The following NOL4 variants were observed in gnomAD, a reference collection of about 807,000 sequenced individuals.
The protein encoded by NOL4 is cancer/testis antigen 125.
Under a neutral mutation model 75.9 loss-of-function variants are expected in NOL4, and 17 were observed. The ratio of observed to expected loss-of-function variants is 0.22; its 90% CI spans 0.15 to 0.34. The LOEUF (loss-of-function observed/expected upper bound fraction) is 0.34, where lower values mean the gene tolerates loss of function less well. NOL4 is among the 10% of genes least tolerant of loss of function. The pLI is 1.00. For missense variants in NOL4, 614 were observed against 793.5 expected, an observed-to-expected ratio of 0.77 and a Z score of 2.72; for synonymous variants, 292 against 289.9, an observed-to-expected ratio of 1.01 and a Z score of -0.07.
chr18:34,193,037 A>G lies in NOL4; in HGVS notation c.264+29953T>C, dbSNP rs564278521. On this transcript the variant is annotated intron_variant, in intron 1 of 10. Transcript: ENST00000261592. ...AAGAAATAAATTTCTAGTCTTTATA[A>G]ACTACCCAGTCTTTGGTATTCTGTT... 5.3e-5 allele frequency among the ~76,000 whole-genome samples: 8 copies of G among 152,294 alleles called. No individual in the cohort carries two copies. The East Asian group carries it at 1.5e-3, about 29-fold the overall frequency.
intron 5 of NOL4, among the ~76,000 whole-genome samples, chr18:34,029,666 G>A (rs2075536412): frequency 6.6e-6 from 1 of 152,146 alleles, no homozygotes; most frequent in Non-Finnish European, 1.5e-5. Flanking sequence ...GCCATGCGAG[G>A]AAACCATGCC....
At chr18:33,875,927 A>C (rs568149593) in intron 10 of NOL4, among the ~76,000 whole-genome samples, 17 of 152,196 alleles carry the variant, frequency 1.1e-4, no homozygotes, top group African/African-American at 4.1e-4. Flanking sequence ...GAATAAAGAC[A>C]CATGCAGGGG....
intron 1 of NOL4, among the ~76,000 whole-genome samples, chr18:34,194,790 C>T (rs1376771415): frequency 1.3e-5 from 2 of 152,046 alleles, no homozygotes; most frequent in Non-Finnish European, 2.9e-5. Flanking sequence ...TTTGGGAGGC[C>T]GAGGTGGGTG....
chr18:34,004,595 T>G (rs1320434805), intron 6 of NOL4, among the ~76,000 whole-genome samples: 2 of 152,124 alleles, frequency 1.3e-5, no homozygotes, highest in Admixed American at 6.6e-5. Context: ...ATGTTGATGA[T>G]TATATAAATA....
intron 5 of NOL4, among the ~76,000 whole-genome samples, chr18:34,073,590 C>A (rs2145293357): frequency 6.6e-6 from 1 of 152,050 alleles, no homozygotes; most frequent in South Asian, 2.1e-4. Context: ...AGTACAGAGA[C>A]AACCATTTCT....
intron 10 of NOL4, among the ~76,000 whole-genome samples, chr18:33,870,818 T>G (rs1599690025): frequency 6.6e-6 from 1 of 152,198 alleles, no homozygotes; most frequent in Admixed American, 6.6e-5. Flanking sequence ...TACAAGCTAC[T>G]TTTAGATCCA....
chr18:33,883,478 T>C, intron 9 of NOL4, 54 bp from the exon 10 acceptor site: 1 of 1,433,884 alleles, frequency 7.0e-7, no homozygotes. Flanking sequence ...CTATTTCACC[T>C]TGAACAGGAC....
chr18:33,916,571 T>C (rs1378052860), intron 9 of NOL4, among the ~76,000 whole-genome samples: 3 of 152,090 alleles, frequency 2.0e-5, no homozygotes, highest in African/African-American at 7.2e-5. Context: ...AGAAAGCAAA[T>C]GGCAAAAATA....
chr18:33,973,873 C>T (rs933921483), intron 6 of NOL4, among the ~76,000 whole-genome samples: 8 of 151,408 alleles, frequency 5.3e-5, no homozygotes, highest in African/African-American at 1.9e-4. Flanking sequence ...GTAGATTTAG[C>T]AAATTCTTAA....
chr18:33,993,846 A>G (rs1352401405), intron 6 of NOL4, among the ~76,000 whole-genome samples: 1 of 151,992 alleles, frequency 6.6e-6, no homozygotes, highest in Middle Eastern at 3.4e-3. Flanking sequence ...TTAACAGTAG[A>G]TTTGACCTGA....
chr18:33,932,679 G>A (rs980572348), intron 9 of NOL4, among the ~76,000 whole-genome samples: 2 of 152,038 alleles, frequency 1.3e-5, no homozygotes, highest in Non-Finnish European at 2.9e-5. Flanking sequence ...AAAATCCTAT[G>A]TGATTGAGAA....
intron 5 of NOL4, among the ~76,000 whole-genome samples, chr18:34,058,420 C>T (rs1276568429): frequency 6.6e-6 from 1 of 152,170 alleles, no homozygotes; most frequent in Non-Finnish European, 1.5e-5. Context: ...AGGCATGAGC[C>T]ACTGCGCCCG....
intron 9 of NOL4, among the ~76,000 whole-genome samples, chr18:33,936,857 T>C (rs1320014766): frequency 6.6e-6 from 1 of 152,134 alleles, no homozygotes; most frequent in African/African-American, 2.4e-5. Context: ...AATACACTGA[T>C]AGGAGATAAA....
intron 6 of NOL4, among the ~76,000 whole-genome samples, chr18:34,000,551 T>C (rs2073624907): frequency 6.6e-6 from 1 of 152,158 alleles, no homozygotes; most frequent in East Asian, 1.9e-4. Context: ...TTGCGGAACA[T>C]ATCAGTCAGT....
At chr18:34,064,925 ACACACACACAC>A (rs2077206996) in intron 5 of NOL4, among the ~76,000 whole-genome samples, 2 of 56,502 alleles carry the variant, frequency 3.5e-5, no homozygotes, top group Non-Finnish European at 4.6e-5. Context: ...TTTAACACAC[ACACACACACAC>A]ACACACACAC....
chr18:33,971,697 C>A (rs1181261233), intron 6 of NOL4, among the ~76,000 whole-genome samples: 1 of 152,080 alleles, frequency 6.6e-6, no homozygotes, highest in Non-Finnish European at 1.5e-5. Context: ...GCAAAGTAAA[C>A]CGGGGCACTG....
chr18:34,189,500 C>A lies in NOL4; in HGVS notation c.264+33490G>T, dbSNP rs546384629. 3.9e-5 allele frequency among the ~76,000 whole-genome samples: 6 copies of A among 152,204 alleles called. No homozygotes were observed. In the East Asian group the frequency reaches 9.7e-4, roughly 25 times the overall value. On this transcript the variant is annotated intron_variant, in intron 1 of 10. Coordinates refer to ENST00000261592, the MANE Select transcript of NOL4 (RefSeq NM_003787.5). ...AAAGTTAATTTATTCAGCAAAAATT[C>A]ATTGGGTGTTTACTATATAAGAGGC...
chr18:33,853,453 T>TA (rs1555632840), intron 10 of NOL4, among the ~76,000 whole-genome samples: 3 of 152,088 alleles, frequency 2.0e-5, no homozygotes, highest in Non-Finnish European at 4.4e-5. Context: ...ATTTGCAATT[T>TA]AAAAAAACTG....
chr18:33,914,559 G>A (rs2066601413), intron 9 of NOL4, among the ~76,000 whole-genome samples: 1 of 152,116 alleles, frequency 6.6e-6, no homozygotes, highest in Admixed American at 6.6e-5. Flanking sequence ...AGAGCAAGAG[G>A]AAGAGGATGA....
Sources: allele counts gnomAD v4.1 joint callset (sites outside exome capture counted in the v4.1 genomes callset), GRCh38; gene constraint gnomAD v4.1.1; transcripts MANE v1.5; gene names NCBI Gene and HGNC (gene_info 2026-07-23, HGNC 2026-07-21).